ZNF841: variants seen among roughly 807,000 people sequenced by gnomAD.
ZNF841 encodes the protein zinc finger protein 841.
In ZNF841, 11 loss-of-function variants were observed where a neutral mutation model predicts 13.0. That is an observed-to-expected ratio of 0.85 (90% CI 0.53 to 1.40). ZNF841 has a LOEUF of 1.40. Among genes scored for constraint, ZNF841 ranks in the 40% most tolerant of loss-of-function variants. ZNF841 has a pLI of 0.00. For missense variants in ZNF841, 1,068 were observed against 1,139.5 expected, an observed-to-expected ratio of 0.94 and a Z score of 0.90; for synonymous variants, 369 against 381.6, an observed-to-expected ratio of 0.97 and a Z score of 0.38.
At chr19:52,076,906 T>C (rs1362302388) in intron 5 of ZNF841, 52 bp downstream of exon 5, 31 of 1,598,482 alleles carry the variant, frequency 1.9e-5, no homozygotes, top group Admixed American at 1.2e-4. Flanking sequence ...ATAAGGAAAG[T>C]ACAAAAATGC....
At chr19:52,085,599 G>A (rs192399395) in intron 3 of ZNF841, among the ~76,000 whole-genome samples, 349 of 152,324 alleles carry the variant, frequency 2.3e-3, no homozygotes, top group African/African-American at 8.2e-3. Flanking sequence ...AGTCCCAATG[G>A]AGAAGGTGAT....
intron 5 of ZNF841, 175 bp downstream of exon 5, chr19:52,076,783 A>G: frequency 1.5e-6 from 1 of 656,498 alleles, no homozygotes; most frequent in Non-Finnish European, 2.5e-6. Context: ...GAAGCAGAAT[A>G]TCCATAGAAA....
At chr19:52,059,370 A>AAAAAAAAAAAAAT in the ZNF841 span, among the ~76,000 whole-genome samples, 4 of 69,648 alleles carry the variant, frequency 5.7e-5, no homozygotes, top group African/African-American at 3.3e-4. Flanking sequence ...AAAAAAAAAA[A>AAAAAAAAAAAAAT]ATATATATAT....
chr19:52,074,556 T>C (rs1004358764), intron 6 of ZNF841, among the ~76,000 whole-genome samples: 4 of 139,620 alleles, frequency 2.9e-5, no homozygotes, highest in Admixed American at 1.5e-4. Context: ...TCGCTCTTGT[T>C]CCCCAGGCTA....
At chr19:52,070,339 T>C (rs867196849) in intron 6 of ZNF841, among the ~76,000 whole-genome samples, 1 of 152,028 alleles carries the variant, frequency 6.6e-6, no homozygotes, top group South Asian at 2.1e-4. Flanking sequence ...AAGAGTATAT[T>C]TGGAAGAAGG....
rs200268840 is a variant in ZNF841 at position 52,066,986 on chromosome 19, T to G, written c.896A>C (p.His299Pro). 1.5e-5 allele frequency: 24 copies of G among 1,614,066 alleles called. No individual in the cohort carries two copies. The highest frequency in any genetic ancestry group is 1.6e-4 in the Middle Eastern group (1 of 6,084). The change falls in exon 7 of 7, where the codon CAT becomes CCT. Residue 299 changes from histidine (H) to proline (P), a missense_variant. Coordinates refer to ENST00000594440, the MANE Select transcript of ZNF841 (RefSeq NM_001136499.2). ...ATGTACTGTTAGTAGTGAGCCCCGATGAAAGGCTTTACCAGACTCATTGCA... is the reference window on the plus strand; with the variant it reads ...ATGTACTGTTAGTAGTGAGCCCCGAGGAAAGGCTTTACCAGACTCATTGCA... Reference protein sequence around the residue: ...YRCNESGKAFHRGSLLTVHQI... With the variant: ...YRCNESGKAFPRGSLLTVHQI...
chr19:52,094,192 C>CA (rs1193271141), intron 1 of ZNF841: 4 of 152,176 alleles, frequency 2.6e-5, no homozygotes, highest in African/African-American at 9.7e-5. Context: ...TCTTTTGATA[C>CA]AAATACATAC....
chr19:52,075,299 G>A (rs2087863301), intron 6 of ZNF841, among the ~76,000 whole-genome samples: 1 of 152,244 alleles, frequency 6.6e-6, no homozygotes, highest in Non-Finnish European at 1.5e-5. Flanking sequence ...GAGGGATCTT[G>A]AAATGAGACA....
chr19:52,082,696 T>A (rs895657236), intron 4 of ZNF841, among the ~76,000 whole-genome samples: 3 of 152,144 alleles, frequency 2.0e-5, no homozygotes, highest in Non-Finnish European at 4.4e-5. Context: ...TTTGCAAAAA[T>A]GAAAAATTGT....
intron 6 of ZNF841, among the ~76,000 whole-genome samples, chr19:52,072,989 T>G (rs373434302): frequency 6.6e-6 from 1 of 152,130 alleles, no homozygotes; most frequent in Non-Finnish European, 1.5e-5. Context: ...TCTGCAGATA[T>G]AAATGCTAAC....
At chr19:52,062,260 T>C (rs1173576304), downstream of ZNF841, among the ~76,000 whole-genome samples, 1 of 152,162 alleles carries the variant, frequency 6.6e-6, no homozygotes, top group African/African-American at 2.4e-5. Flanking sequence ...CTGTATGCAC[T>C]TAAAACCAGC....
chr19:52,088,069 C>T (rs1389527114), intron 3 of ZNF841, among the ~76,000 whole-genome samples: 2 of 151,460 alleles, frequency 1.3e-5, no homozygotes, highest in Non-Finnish European at 2.9e-5. Flanking sequence ...AAGGTAGCCC[C>T]CCTAAATGAT....
the ZNF841 span, among the ~76,000 whole-genome samples, chr19:52,059,390 T>TATATATACAC: frequency 1.0e-3 from 98 of 96,298 alleles, 2 homozygotes; most frequent in Admixed American, 9.2e-3. Context: ...TATATATATA[T>TATATATACAC]ACACACACAC....
intron 6 of ZNF841, among the ~76,000 whole-genome samples, chr19:52,068,961 G>A (rs1486708193): frequency 1.3e-5 from 2 of 152,148 alleles, no homozygotes; most frequent in Non-Finnish European, 2.9e-5. Context: ...AACAGAGCGA[G>A]ACTGCCTCAA....
At chr19:52,062,053 CAGTCCT>C (rs954076446), downstream of ZNF841, among the ~76,000 whole-genome samples, 119 of 152,218 alleles carry the variant, frequency 7.8e-4, no homozygotes, top group African/African-American at 2.8e-3. Context: ...GCCGAATGGC[CAGTCCT>C]ATTGCAGGTC....
chr19:52,076,588 T>C (rs1260428887), intron 5 of ZNF841, among the ~76,000 whole-genome samples: 1 of 148,510 alleles, frequency 6.7e-6, no homozygotes, highest in East Asian at 2.0e-4. Context: ...AAGGTTGCAG[T>C]GTGCCAAGAT....
intron 2 of ZNF841, among the ~76,000 whole-genome samples, chr19:52,090,484 A>G (rs2088432896): frequency 1.3e-5 from 2 of 151,874 alleles, no homozygotes; most frequent in Non-Finnish European, 2.9e-5. Flanking sequence ...CTATAGTCTT[A>G]GCTACCTGGG....
In ZNF841 at chr19:52,084,791, G is replaced by A; in HGVS notation, c.11C>T (p.Pro4Leu). ...CCACCAAGATTATCACTTTACCTGA[G>A]GAAGAGCCATCCCTGGCTCCTTTTC... MAL[P>L]QGSLTFRDVA... is the part of the protein sequence containing the mutation. Residue 4 changes from proline to leucine, a missense_variant, in exon 4 of 7, where the codon CCT (proline) becomes CTT (leucine). Coordinates refer to ENST00000594440, the MANE Select transcript of ZNF841 (RefSeq NM_001136499.2). The A allele has an allele frequency of 1.2e-6, 2 of 1,613,588 alleles. No individual in the cohort carries two copies. The highest frequency in any genetic ancestry group is 1.1e-5 in the South Asian group (1 of 91,012).
intron 6 of ZNF841, among the ~76,000 whole-genome samples, chr19:52,073,979 G>C (rs1185965588): frequency 1.3e-5 from 2 of 152,104 alleles, no homozygotes; most frequent in Admixed American, 6.5e-5. Context: ...TTATGCTCAA[G>C]ATATTAAAAA....
Sources: gnomAD v4.1 joint callset for allele counts (sites outside exome capture counted in the v4.1 genomes callset) on GRCh38, gnomAD v4.1.1 for gene constraint, MANE v1.5 for transcripts, NCBI Gene and HGNC (gene_info 2026-07-23, HGNC 2026-07-21) for gene names.